CTDP1: variants seen among roughly 807,000 people sequenced by gnomAD.
CTDP1 encodes the protein CTD phosphatase 1, also known as RNA polymerase II subunit A C-terminal domain phosphatase.
Under a neutral mutation model 91.8 loss-of-function variants are expected in CTDP1, and 47 were observed. The ratio of observed to expected loss-of-function variants is 0.51; its 90% CI spans 0.41 to 0.65. The LOEUF is 0.65. Ranked by LOEUF, CTDP1 falls within the 30% of genes least tolerant of loss-of-function variation. The pLI is 0.00. For missense variants in CTDP1, 1,272 were observed against 1,373.7 expected, an observed-to-expected ratio of 0.93 and a Z score of 1.17; for synonymous variants, 656 against 598.5, an observed-to-expected ratio of 1.10 and a Z score of -1.40.
chr18:79,717,645 C>T lies in CTDP1; in HGVS notation c.2179C>T (p.Pro727Ser). ...GGACAAGGTGGAGGAGCAGCTCTTC[C>T]CGCTCAGGGACGATCACACCAAGGC... is the stretch of plus-strand genomic sequence containing the variant. ...RWDKVEEQLF[P>S]LRDDHTKAQR... Residue 727 changes from proline to serine, a missense_variant, in exon 9 of 13, where the codon CCG becomes TCG. Physicochemically the swap from Pro to Ser is moderately conservative, Grantham distance 74. Around this residue, in one of 3 missense-constraint regions of CTDP1, gnomAD observed 881 missense variants for 911.6 expected, o/e 0.97. Transcript: ENST00000613122. 6.2e-7 allele frequency: 1 copy of T among 1,614,016 alleles called. No homozygotes were observed. The highest frequency in any genetic ancestry group is 8.5e-7 in the Non-Finnish European group (1 of 1,179,974).
At chr18:79,723,841 G>C (rs528688247) in intron 10 of CTDP1, among the ~76,000 whole-genome samples, 1 of 152,256 alleles carries the variant, frequency 6.6e-6, no homozygotes, top group Non-Finnish European at 1.5e-5. Flanking sequence ...GCCCTCTCCG[G>C]AGTGCTGTGT....
Position 79,679,999 on chromosome 18 carries a change from G to T in CTDP1, c.52G>T (p.Ala18Ser), listed in dbSNP as rs1378077396. 8.3e-6 allele frequency: 11 copies of T among 1,330,228 alleles called. No homozygotes were observed. The highest frequency in any genetic ancestry group is 4.7e-5 in the African/African-American group (3 of 64,472). The allele number at this position is 1,330,228 out of a possible 1,614,324, so 82.4% of individuals were successfully genotyped here. A position where few individuals can be genotyped will look rare whatever the true frequency, so the allele number is the denominator to read the frequency against. Residue 18 changes from alanine (A) to serine (S), a missense_variant, in exon 1 of 13, where the codon GCT (alanine) becomes TCT (serine). This residue lies in a region of CTDP1 where 214 missense variants were observed against 179.1 expected (regional missense o/e 1.19). Coordinates refer to ENST00000613122, the MANE Select transcript of CTDP1 (RefSeq NM_004715.5). ...TCCTGCCGAGGGCGCCCCGACGGCG[G>T]CTGTGGCCGAGGTGCGCTGCCCGGG... is the stretch of plus-strand genomic sequence containing the variant. ...RVPAEGAPTA[A>S]VAEVRCPGPA... is the part of the protein sequence containing the mutation.
intron 4 of CTDP1, 149 bp downstream of exon 4, chr18:79,698,137 G>C: frequency 2.5e-6 from 3 of 1,205,438 alleles, no homozygotes; most frequent in Non-Finnish European, 3.5e-6. Flanking sequence ...GGCGTGGGCC[G>C]TGTGTCTGCT....
intron 10 of CTDP1, among the ~76,000 whole-genome samples, chr18:79,723,013 C>G (rs1599272271): frequency 6.6e-6 from 1 of 152,212 alleles, no homozygotes; most frequent in East Asian, 1.9e-4. Context: ...GCCCAGTTCC[C>G]TGCACTAAAT....
At position 79,687,890 on chromosome 18, in the gene CTDP1, C is replaced by T. The variant is rs571866355; in HGVS notation, c.315-7335C>T. ...AGTAGGGTCTGAATGGTGTGGTGCA[C>T]GTGGTGCCACGTGGTTTTGAGACGT... On this transcript the variant is annotated intron_variant, in intron 1 of 12. Coordinates refer to ENST00000613122, the MANE Select transcript of CTDP1 (RefSeq NM_004715.5). 2.0e-5 allele frequency among the ~76,000 whole-genome samples: 3 copies of T among 152,268 alleles called. No individual in the cohort carries two copies. In the East Asian group the frequency reaches 5.8e-4, roughly 29 times the overall value.
At chr18:79,698,261 G>A (rs1483155041) in intron 4 of CTDP1, among the ~76,000 whole-genome samples, 2 of 152,168 alleles carry the variant, frequency 1.3e-5, no homozygotes, top group Admixed American at 1.3e-4. Flanking sequence ...CACGATGTCG[G>A]AGAAGGCAGA....
intron 6 of CTDP1, among the ~76,000 whole-genome samples, chr18:79,711,414 A>G (rs1333710111): frequency 6.6e-6 from 1 of 152,136 alleles, no homozygotes; most frequent in Admixed American, 6.5e-5. Flanking sequence ...GGGAATGGCC[A>G]GGGCTCCTGG....
At chr18:79,717,145 C>T (rs1328693214) in intron 8 of CTDP1, among the ~76,000 whole-genome samples, 1 of 148,984 alleles carries the variant, frequency 6.7e-6, no homozygotes, top group Non-Finnish European at 1.5e-5. Context: ...GGGTGAAGGC[C>T]CTGAGTCCTG....
chr18:79,724,431 T>G (rs1173106082), intron 10 of CTDP1, among the ~76,000 whole-genome samples: 1 of 152,200 alleles, frequency 6.6e-6, no homozygotes, highest in East Asian at 1.9e-4. Context: ...TCATTTCATG[T>G]TTTCAGCAGC....
chr18:79,686,098 G>A (rs992281137), intron 1 of CTDP1, among the ~76,000 whole-genome samples: 2 of 152,172 alleles, frequency 1.3e-5, no homozygotes, highest in South Asian at 2.1e-4. Flanking sequence ...GGTTTTGTTC[G>A]TCTGTGATTT....
Position 79,715,037 on chromosome 18 carries a change from A to G in CTDP1, c.1577A>G (p.Lys526Arg). 1 of 1,607,616 alleles carries G rather than the reference A, an allele frequency of 6.2e-7. No homozygotes were observed. The highest frequency in any genetic ancestry group is 8.5e-7 in the Non-Finnish European group (1 of 1,177,768). Residue 526 changes from lysine (K) to arginine (R), a missense_variant, in exon 8 of 13, where the codon AAG becomes AGG. By Grantham distance (26) the Lys-to-Arg change is conservative. Transcript: ENST00000613122. The part of the protein sequence containing the change: ...EAEPGAHAPD[K>R]EPELGGQEEG... ...GAGCCTGGCGCGCATGCCCCGGACA[A>G]GGAGCCTGAGCTGGGTGGGCAGGAG...
chr18:79,685,693 C>T (rs1332764704), intron 1 of CTDP1: 2 of 152,118 alleles, frequency 1.3e-5, no homozygotes, highest in African/African-American at 4.8e-5. Context: ...TAAGATTAGT[C>T]CCCGAATTTA....
chr18:79,752,210 G>T (rs1364796173), intron 12 of CTDP1, among the ~76,000 whole-genome samples: 1 of 152,180 alleles, frequency 6.6e-6, no homozygotes, highest in Admixed American at 6.5e-5. Context: ...GGCTGGTTAT[G>T]CAGAGGCTCG....
intron 12 of CTDP1, among the ~76,000 whole-genome samples, chr18:79,744,378 G>A (rs1161153814): frequency 6.6e-6 from 1 of 152,194 alleles, no homozygotes; most frequent in East Asian, 1.9e-4. Flanking sequence ...GAACCAAAAT[G>A]TTACATTAGA....
intron 10 of CTDP1, among the ~76,000 whole-genome samples, chr18:79,718,581 G>GA (rs2086269367): frequency 6.6e-6 from 1 of 152,144 alleles, no homozygotes. Context: ...AGGCCCTGAG[G>GA]GATGCTTCCT....
rs759650298 is a variant in CTDP1 at position 79,704,883 on chromosome 18, C to T, written c.738C>T (p.Thr246=). The change falls in exon 5 of 13, where the codon ACC becomes ACT. Residue 246 remains threonine (T), a synonymous_variant. Coordinates refer to ENST00000613122, the MANE Select transcript of CTDP1 (RefSeq NM_004715.5). ...AGCTGTACGAGCTGCACGTCTTCACCTTCGGCAGCCGGCTGTACGCACACA... is the reference window on the plus strand; with the variant it reads ...AGCTGTACGAGCTGCACGTCTTCACTTTCGGCAGCCGGCTGTACGCACACA... ...IAKLYELHVF[T]FGSRLYAHTI... The T allele has an allele frequency of 1.2e-6, 2 of 1,613,668 alleles. No individual in the cohort carries two copies. Among genetic ancestry groups the T allele is most frequent in the East Asian group, 2.2e-5 (1 of 44,886 alleles).
At chr18:79,722,118 C>T (rs970939292) in intron 10 of CTDP1, among the ~76,000 whole-genome samples, 1 of 152,196 alleles carries the variant, frequency 6.6e-6, no homozygotes, top group Non-Finnish European at 1.5e-5. Context: ...TTTAATAATT[C>T]AGCCTTGCTT....
At chr18:79,737,233 G>A (rs933082810) in intron 12 of CTDP1, among the ~76,000 whole-genome samples, 1 of 152,216 alleles carries the variant, frequency 6.6e-6, no homozygotes, top group African/African-American at 2.4e-5. Flanking sequence ...GCCGTGAAAG[G>A]TATCTTTTTG....
At chr18:79,683,968 C>G (rs1371123923) in intron 1 of CTDP1, among the ~76,000 whole-genome samples, 1 of 152,224 alleles carries the variant, frequency 6.6e-6, no homozygotes. Context: ...TTTCACAGGG[C>G]TTATAAAAAT....
Sources: gnomAD v4.1 joint callset for allele counts (sites outside exome capture counted in the v4.1 genomes callset) on GRCh38, gnomAD v4.1.1 for gene constraint, gnomAD v4.1.1 regional missense constraint, MANE v1.5 for transcripts, NCBI Gene and HGNC (gene_info 2026-07-23, HGNC 2026-07-21) for gene names.